The following STXBP5L variants were observed in gnomAD, a reference collection of about 807,000 sequenced individuals.
The protein encoded by STXBP5L is syntaxin binding protein 5L.
In STXBP5L, 65 loss-of-function variants were observed where a neutral mutation model predicts 144.5. The observed-to-expected ratio is 0.45, with a 90% confidence interval of 0.37 to 0.55. The LOEUF is 0.55. STXBP5L is among the 20% of genes least tolerant of loss of function. The probability of loss-of-function intolerance (pLI) is 0.00; values close to 1 mark genes in which losing one functional copy is unlikely to be tolerated. For missense variants in STXBP5L, 1,298 were observed against 1,405.5 expected, an observed-to-expected ratio of 0.92 and a Z score of 1.22; for synonymous variants, 505 against 469.6, an observed-to-expected ratio of 1.08 and a Z score of -0.97.
intron 3 of STXBP5L, among the ~76,000 whole-genome samples, chr3:121,030,258 G>A (rs983778986): frequency 3.3e-5 from 5 of 152,172 alleles, no homozygotes; most frequent in African/African-American, 1.2e-4. Flanking sequence ...ATTCACAATA[G>A]CAAAGACTCG....
chr3:121,353,076 C>T lies in STXBP5L; in HGVS notation c.2177-25640C>T, dbSNP rs191460184. Reference sequence around the variant, plus strand: ...AAGCTTTTTGATGTGGTGCTGGATTCGGTTTGCCAGTATTTTATTGAGGAT... The same window carrying T: ...AAGCTTTTTGATGTGGTGCTGGATTTGGTTTGCCAGTATTTTATTGAGGAT... On this transcript the variant is annotated intron_variant, in intron 20 of 26. Transcript: ENST00000471454. Among the ~76,000 whole-genome samples, 8 of 152,226 alleles carry T rather than the reference C, an allele frequency of 5.3e-5. No homozygotes were observed. In the East Asian group the frequency reaches 7.7e-4, roughly 15 times the overall value.
intron 5 of STXBP5L, among the ~76,000 whole-genome samples, chr3:121,094,825 G>T (rs1025709484): frequency 6.6e-6 from 1 of 151,666 alleles, no homozygotes; most frequent in Admixed American, 6.6e-5. Context: ...ATGATGTTAG[G>T]TGGTTATTTT....
chr3:120,989,768 T>G (rs931919358), intron 3 of STXBP5L, among the ~76,000 whole-genome samples: 2 of 152,158 alleles, frequency 1.3e-5, no homozygotes, highest in Admixed American at 1.3e-4. Flanking sequence ...CTTTTATCAT[T>G]ACATAATGTT....
intron 19 of STXBP5L, chr3:121,282,374 A>T: frequency 1.3e-6 from 2 of 1,585,332 alleles, no homozygotes; most frequent in East Asian, 4.5e-5. Context: ...AGCCTTTTTA[A>T]GACATAATGC....
chr3:120,990,511 G>C (rs1202323963), intron 3 of STXBP5L, among the ~76,000 whole-genome samples: 2 of 152,084 alleles, frequency 1.3e-5, no homozygotes, highest in African/African-American at 4.8e-5. Flanking sequence ...TCAATCCTAA[G>C]CCAAAACAAC....
At chr3:120,921,963 A>C (rs931710710) in intron 2 of STXBP5L, among the ~76,000 whole-genome samples, 2 of 151,916 alleles carry the variant, frequency 1.3e-5, no homozygotes, top group African/African-American at 4.8e-5. Context: ...TTGTGGTTTC[A>C]TATAAATTTT....
rs778470754 is a variant in STXBP5L, at chr3:121,152,519, T to C, written c.712T>C (p.Leu238=). The C allele has an allele frequency of 3.1e-6, 5 of 1,609,718 alleles. No individual in the cohort carries two copies. Among genetic ancestry groups the C allele is most frequent in the Non-Finnish European group, 4.2e-6 (5 of 1,178,064 alleles). Reference sequence around the variant, plus strand: ...AAATGGTACTGTAGTATTCTGGGACTTGAAATCTAAAAGAGCAGAACTGAG... The same window carrying C: ...AAATGGTACTGTAGTATTCTGGGACCTGAAATCTAAAAGAGCAGAACTGAG... The part of the protein sequence containing the change: ...YENGTVVFWD[L]KSKRAELRVY... The change falls in exon 8 of 27, where the codon TTG becomes CTG. Residue 238 remains leucine, a synonymous_variant. Coordinates refer to ENST00000471454, the MANE Select transcript of STXBP5L (RefSeq NM_001308330.2).
At chr3:121,193,649 A>C (rs149555553) in intron 9 of STXBP5L, among the ~76,000 whole-genome samples, 5,397 of 152,326 alleles carry the variant, frequency 0.035, 146 homozygotes, top group Middle Eastern at 0.082. Flanking sequence ...GCCATAAAAA[A>C]GGATGAGTCC....
intron 18 of STXBP5L, among the ~76,000 whole-genome samples, chr3:121,271,694 C>A (rs2050738645): frequency 6.6e-6 from 1 of 152,142 alleles, no homozygotes; most frequent in South Asian, 2.1e-4. Context: ...ATCTTTTTAT[C>A]ATGAATGTCT....
intron 3 of STXBP5L, among the ~76,000 whole-genome samples, chr3:120,996,332 T>A (rs1001015660): frequency 3.3e-5 from 5 of 151,900 alleles, no homozygotes; most frequent in African/African-American, 9.7e-5. Flanking sequence ...TATTTTTAAT[T>A]TAAAAATTTA....
intron 3 of STXBP5L, among the ~76,000 whole-genome samples, chr3:120,971,300 A>G (rs1226982902): frequency 1.3e-5 from 2 of 151,972 alleles, no homozygotes; most frequent in Admixed American, 6.6e-5. Context: ...TAGTGGAGAA[A>G]TTGAGGATTT....
rs200992044 is a variant in STXBP5L, at chr3:121,367,790, C to CT, written c.2177-10911dup. Among the ~76,000 whole-genome samples the CT allele has an allele frequency of 7.5e-4, 80 of 106,286 alleles. 5 individuals are homozygous for CT. The highest frequency in any genetic ancestry group is 4.5e-3 in the South Asian group (14 of 3,094). The allele number at this position is 106,286 out of a possible 152,430, so 69.7% of individuals were successfully genotyped here. A position where few individuals can be genotyped will look rare whatever the true frequency, so the allele number is the denominator to read the frequency against. ...CACTTGGCTAATTTTTTTGCTTTTCCTTTTTTTTTTTTTTTGTAGAGACCA... is the reference window on the plus strand; with the variant it reads ...CACTTGGCTAATTTTTTTGCTTTTCCTTTTTTTTTTTTTTTTGTAGAGACCA... On this transcript the variant is annotated intron_variant, in intron 20 of 26. Transcript: ENST00000471454.
chr3:120,927,331 A>G (rs1709691843), intron 2 of STXBP5L, among the ~76,000 whole-genome samples: 2 of 152,206 alleles, frequency 1.3e-5, no homozygotes. Flanking sequence ...AACTTCCTAT[A>G]GCATGATACT....
chr3:121,396,066 T>A (rs1171298726), intron 22 of STXBP5L, among the ~76,000 whole-genome samples: 1 of 152,262 alleles, frequency 6.6e-6, no homozygotes, highest in Non-Finnish European at 1.5e-5. Flanking sequence ...TTTCCCAACT[T>A]TTTGTTATCA....
chr3:121,133,903 C>A (rs942555921), intron 7 of STXBP5L, among the ~76,000 whole-genome samples: 1 of 152,028 alleles, frequency 6.6e-6, no homozygotes, highest in African/African-American at 2.4e-5. Context: ...CATGAGAACT[C>A]CCTCATTATC....
intron 7 of STXBP5L, among the ~76,000 whole-genome samples, chr3:121,134,149 G>A (rs1300573991): frequency 1.3e-5 from 2 of 152,140 alleles, no homozygotes; most frequent in Non-Finnish European, 2.9e-5. Flanking sequence ...GTCTAGGGAA[G>A]GCATTTGGTG....
chr3:121,000,656 G>T (rs1222183719), intron 3 of STXBP5L, among the ~76,000 whole-genome samples: 1 of 152,208 alleles, frequency 6.6e-6, no homozygotes, highest in Non-Finnish European at 1.5e-5. Context: ...TTGCTGGGAA[G>T]CTAATATGGT....
chr3:121,037,790 G>C (rs1425455769), intron 3 of STXBP5L, among the ~76,000 whole-genome samples: 1 of 151,838 alleles, frequency 6.6e-6, no homozygotes, highest in East Asian at 1.9e-4. Context: ...ATGGTATCTT[G>C]ACCTGGAGTT....
intron 20 of STXBP5L, among the ~76,000 whole-genome samples, chr3:121,322,476 CAAAA>C (rs5852266): frequency 7.8e-6 from 1 of 128,464 alleles, no homozygotes. Context: ...GAAACTGTGC[CAAAA>C]AAAAAAAAAA....
Sources: gnomAD v4.1 joint callset for allele counts (sites outside exome capture counted in the v4.1 genomes callset) on GRCh38, gnomAD v4.1.1 for gene constraint, MANE v1.5 for transcripts, NCBI Gene and HGNC (gene_info 2026-07-23, HGNC 2026-07-21) for gene names.